Variants in DLGAP2 observed in about 807,000 individuals in gnomAD.
The protein encoded by DLGAP2 is disks large-associated protein 2.
In DLGAP2, 26 loss-of-function variants were observed where a neutral mutation model predicts 100.3. The observed-to-expected ratio is 0.26, with a 90% CI of 0.19 to 0.36. The LOEUF (loss-of-function observed/expected upper bound fraction) is 0.36, where lower values mean the gene tolerates loss of function less well. Among genes scored for constraint, DLGAP2 ranks in the 10% least tolerant of loss-of-function variants. The probability of loss-of-function intolerance (pLI) is 1.00; values close to 1 mark genes in which losing one functional copy is unlikely to be tolerated. For synonymous variants in DLGAP2, 886 were observed against 630.1 expected (o/e 1.41, Z -6.08); for missense variants, 1,858 against 1,453.2 (o/e 1.28, Z -4.53).
intron 4 of DLGAP2, among the ~76,000 whole-genome samples, chr8:1,522,862 A>G (rs990106645): frequency 5.9e-5 from 9 of 152,246 alleles, no homozygotes; most frequent in Non-Finnish European, 1.0e-4. Context: ...ATATGATATG[A>G]TATCATGCAT....
chr8:1,321,785 A>T (rs1800907482), intron 3 of DLGAP2, among the ~76,000 whole-genome samples: 1 of 152,208 alleles, frequency 6.6e-6, no homozygotes, highest in Non-Finnish European at 1.5e-5. Flanking sequence ...GAAAATGTGT[A>T]ATTAGAATTC....
At chr8:1,589,662 G>T (rs771095439) in intron 6 of DLGAP2, among the ~76,000 whole-genome samples, 4 of 152,160 alleles carry the variant, frequency 2.6e-5, no homozygotes, top group Non-Finnish European at 5.9e-5. Flanking sequence ...AGCCCAGGCT[G>T]GTCTCAAACT....
chr8:1,261,976 C>T (rs1799359954), intron 3 of DLGAP2, among the ~76,000 whole-genome samples: 1 of 152,186 alleles, frequency 6.6e-6, no homozygotes, highest in South Asian at 2.1e-4. Context: ...AAGGTTAAGG[C>T]ACCACCTCAT....
intron 2 of DLGAP2, among the ~76,000 whole-genome samples, chr8:1,026,729 C>T (rs1247484465): frequency 6.6e-6 from 1 of 152,176 alleles, no homozygotes; most frequent in African/African-American, 2.4e-5. Context: ...CTGCACATGG[C>T]TCAGGTTTCT....
intron 2 of DLGAP2, among the ~76,000 whole-genome samples, chr8:1,166,900 T>C (rs1266631389): frequency 6.6e-6 from 1 of 152,116 alleles, no homozygotes; most frequent in African/African-American, 2.4e-5. Flanking sequence ...ACACTCCTAG[T>C]GTTTGGGAGG....
intron 2 of DLGAP2, among the ~76,000 whole-genome samples, chr8:1,124,201 C>T (rs1205826109): frequency 6.6e-6 from 1 of 152,172 alleles, no homozygotes; most frequent in Non-Finnish European, 1.5e-5. Context: ...AGAACATAGT[C>T]CTTGGTTTCC....
At chr8:898,453 G>A (rs762169197) in intron 1 of DLGAP2, among the ~76,000 whole-genome samples, 5 of 152,310 alleles carry the variant, frequency 3.3e-5, no homozygotes, top group Admixed American at 2.6e-4. Flanking sequence ...TTACTGAGAC[G>A]CTTCATCCGC....
chr8:1,023,345 G>A (rs770445199), intron 2 of DLGAP2, among the ~76,000 whole-genome samples: 20 of 152,228 alleles, frequency 1.3e-4, no homozygotes, highest in Middle Eastern at 3.4e-3. Flanking sequence ...TCCTCTCTCT[G>A]TAGCAATATG....
chr8:931,565 A>G (rs993474296), intron 2 of DLGAP2, among the ~76,000 whole-genome samples: 5 of 152,140 alleles, frequency 3.3e-5, no homozygotes, highest in African/African-American at 9.6e-5. Context: ...TCCTGCAGTG[A>G]GAGCTGGGAC....
intron 6 of DLGAP2, among the ~76,000 whole-genome samples, chr8:1,605,406 C>T (rs1796764216): frequency 6.6e-6 from 1 of 152,130 alleles, no homozygotes; most frequent in African/African-American, 2.4e-5. Flanking sequence ...AAAGTGGTCT[C>T]CATATTCCCC....
chr8:1,095,188 C>T (rs369210034), intron 2 of DLGAP2, among the ~76,000 whole-genome samples: 16 of 152,160 alleles, frequency 1.1e-4, no homozygotes, highest in African/African-American at 2.9e-4. Flanking sequence ...CCGTGGTCAC[C>T]CTTTACTTGT....
chr8:1,312,605 C>T (rs968537802), intron 3 of DLGAP2, among the ~76,000 whole-genome samples: 3 of 152,090 alleles, frequency 2.0e-5, no homozygotes, highest in Non-Finnish European at 2.9e-5. Flanking sequence ...GCATGTGCAG[C>T]GTTGCGAATG....
intron 3 of DLGAP2, among the ~76,000 whole-genome samples, chr8:1,367,872 T>C (rs1175493796): frequency 1.3e-5 from 2 of 152,126 alleles, no homozygotes; most frequent in Non-Finnish European, 2.9e-5. Context: ...TATAAACTGG[T>C]AAGAGAGAGA....
intron 1 of DLGAP2, among the ~76,000 whole-genome samples, chr8:762,993 T>A (rs1366075015): frequency 6.6e-6 from 1 of 152,012 alleles, no homozygotes; most frequent in Non-Finnish European, 1.5e-5. Context: ...TTTATTTAAA[T>A]GTCCAGTAAT....
chr8:1,671,305 T>C (rs1193459790), intron 10 of DLGAP2, among the ~76,000 whole-genome samples: 1 of 152,262 alleles, frequency 6.6e-6, no homozygotes, highest in Non-Finnish European at 1.5e-5. Flanking sequence ...CTGCAGCTCA[T>C]AGACAAAGCT....
chr8:1,392,663 C>G (rs1383362423), intron 3 of DLGAP2, among the ~76,000 whole-genome samples: 1 of 152,234 alleles, frequency 6.6e-6, no homozygotes, highest in African/African-American at 2.4e-5. Context: ...GCCTGGGCCT[C>G]CATGCATCTC....
At chr8:1,145,307 A>T (rs1159250871) in intron 2 of DLGAP2, among the ~76,000 whole-genome samples, 1 of 152,076 alleles carries the variant, frequency 6.6e-6, no homozygotes, top group African/African-American at 2.4e-5. Context: ...CGCTGTTTTT[A>T]ATCCCCTCCC....
Position 1,133,409 on chromosome 8 carries a change from A to T in DLGAP2, c.74-125442A>T, listed in dbSNP as rs369185236. Among the ~76,000 whole-genome samples the T allele has an allele frequency of 5.3e-5, 8 of 152,242 alleles. No homozygotes were observed. The East Asian group carries it at 1.5e-3, about 29-fold the overall frequency. On this transcript the variant is annotated intron_variant, in intron 2 of 14. Transcript: ENST00000637795. The stretch of plus-strand genomic sequence containing the variant: ...TAAAATTATATTGATCATTAATAGG[A>T]GTCATGAGAAATATATATGAATAAA...
chr8:1,421,429 G>A (rs1797084955), intron 3 of DLGAP2, among the ~76,000 whole-genome samples: 1 of 152,090 alleles, frequency 6.6e-6, no homozygotes, highest in Non-Finnish European at 1.5e-5. Flanking sequence ...ACCCACACAA[G>A]AGACATGGAA....
Sources: gnomAD v4.1 joint callset for allele counts (sites outside exome capture counted in the v4.1 genomes callset) on GRCh38, gnomAD v4.1.1 for gene constraint, MANE v1.5 for transcripts, NCBI Gene and HGNC (gene_info 2026-07-23, HGNC 2026-07-21) for gene names.